MEX3B: variants seen among roughly 807,000 people sequenced by gnomAD.
MEX3B encodes the protein RNA-binding protein MEX3B.
A neutral mutation model predicts 12.2 loss-of-function variants in MEX3B; 10 were observed. The ratio of observed to expected loss-of-function variants is 0.82; its 90% CI spans 0.51 to 1.40. The LOEUF (loss-of-function observed/expected upper bound fraction) is 1.40. Ranked by LOEUF, MEX3B falls within the 40% of genes most tolerant of loss-of-function variation. The probability of loss-of-function intolerance (pLI) is 0.00; values close to 1 mark genes in which losing one functional copy is unlikely to be tolerated. For missense variants in MEX3B, 839 were observed against 801.4 expected (o/e 1.05, Z -0.57); for synonymous variants, 498 against 356.3 (o/e 1.40, Z -4.48).
At chr15:82,045,412 A>ACCACCCCCCCCCCCCCCC in intron 1 of MEX3B, 38 bp downstream of exon 1, 1 of 1,573,608 alleles carries the variant, frequency 6.4e-7, no homozygotes, top group Non-Finnish European at 8.6e-7. Context: ...GAGACCCTAC[A>ACCACCCCCCCCCCCCCCC]CCACCCCCAC....
At position 82,044,909 on chromosome 15, in the gene MEX3B, C is replaced by T. The variant is rs891452386; in HGVS notation, c.257-296G>A. 3.0e-5 allele frequency: 17 copies of T among 575,862 alleles called. No homozygotes were observed. Among genetic ancestry groups the T allele is most frequent in the African/African-American group, 2.8e-4 (15 of 53,352 alleles). The allele number at this position is 575,862 out of a possible 1,614,324, so 35.7% of individuals were successfully genotyped here. ...CCCAGAAAAGTCATCTGGGGAGATGCCGCTGGGATCCAGCTGGGCGCGCCG... is the reference window on the plus strand; with the variant it reads ...CCCAGAAAAGTCATCTGGGGAGATGTCGCTGGGATCCAGCTGGGCGCGCCG... On this transcript the variant is annotated intron_variant, in intron 1 of 1. Coordinates refer to ENST00000329713, the MANE Select transcript of MEX3B (RefSeq NM_032246.6). The surrounding 1 kb of genome is among the most constrained non-coding windows in gnomAD (Gnocchi z 5.3).
chr15:82,043,526 G>T lies in MEX3B; in HGVS notation c.1344C>A (p.Ala448=). 2.0e-6 allele frequency: 3 copies of T among 1,515,262 alleles called. No individual in the cohort carries two copies. Among genetic ancestry groups the T allele is most frequent in the Non-Finnish European group, 2.6e-6 (3 of 1,132,364 alleles). The allele number at this position is 1,515,262 out of a possible 1,614,324, so 93.9% of individuals were successfully genotyped here. The change falls in exon 2 of 2, where the codon GCC becomes GCA. Residue 448 remains alanine (A), a synonymous_variant. Transcript: ENST00000329713. The part of the protein sequence containing the change: ...CPRLSPPLHM[A]PGAGEHHLAR... ...CCAGGTGGTGCTCTCCCGCCCCCGGGGCCATGTGCAAGGGTGGAGACAGGC... is the reference window on the plus strand; with the variant it reads ...CCAGGTGGTGCTCTCCCGCCCCCGGTGCCATGTGCAAGGGTGGAGACAGGC...
In MEX3B at chr15:82,043,139, C is replaced by T. The variant is rs764967897; in HGVS notation, c.*21G>A. 3.8e-5 allele frequency: 58 copies of T among 1,516,188 alleles called. No homozygotes were observed. The highest frequency in any genetic ancestry group is 5.6e-5 in the African/African-American group (4 of 71,656). 93.9% of individuals were successfully genotyped at this position (1,516,188 alleles called of 1,614,324 possible). On this transcript the variant is annotated 3_prime_UTR_variant, in exon 2 of 2. Coordinates refer to ENST00000329713, the MANE Select transcript of MEX3B (RefSeq NM_032246.6). Reference sequence around the variant, plus strand: ...TTCCCCCTTCCCCCAGCACGGTGCGCACTAGCAGCGCCCGCTGCCTTTAAG... The same window carrying T: ...TTCCCCCTTCCCCCAGCACGGTGCGTACTAGCAGCGCCCGCTGCCTTTAAG...
Position 82,044,678 on chromosome 15 carries a change from A to G in MEX3B, c.257-65T>C, listed in dbSNP as rs2073245461. On this transcript the variant is annotated intron_variant, in intron 1 of 1. Transcript: ENST00000329713. This position sits in a 1 kb window ranked among gnomAD's most constrained non-coding sequence, Gnocchi z 5.3. ...ACAGACACGCCCATTATCCTGGGGT[A>G]ACCGCGGGGACCGGGGACAGCCCGC... The G allele has an allele frequency of 6.5e-7, 1 of 1,543,774 alleles. No homozygotes were observed. Among genetic ancestry groups the G allele is most frequent in the Non-Finnish European group, 8.9e-7 (1 of 1,120,788 alleles).
rs748332370 is a variant in MEX3B, at chr15:82,043,907, A to G, written c.963T>C (p.Pro321=). The part of the protein sequence containing the change: ...ATQRLADYSP[P]SPALSFAHNG... ...TGTGCGCAAAGCTCAGGGCGGGGCT[A>G]GGGGGGCTGTAGTCCGCCAGGCGCT... is the stretch of plus-strand genomic sequence containing the variant. The change falls in exon 2 of 2, where the codon CCT becomes CCC. Residue 321 remains proline (P), a synonymous_variant. Coordinates refer to ENST00000329713, the MANE Select transcript of MEX3B (RefSeq NM_032246.6). 13 of 1,597,556 alleles carry G rather than the reference A, an allele frequency of 8.1e-6. No homozygotes were observed. The highest frequency in any genetic ancestry group is 1.7e-5 in the Admixed American group (1 of 58,930).
Position 82,043,837 on chromosome 15 carries a change from C to T in MEX3B, c.1033G>A (p.Gly345Arg). ...GGGGATGGCACTGAGGCTTCTCCCC[C>T]CGCTGTGTAGGTGTACCCATTGCCG... The part of the protein sequence containing the change: ...NNGNGYTYTA[G>R]GEASVPSPDG... Residue 345 changes from glycine to arginine, a missense_variant, in exon 2 of 2, where the codon GGG (glycine) becomes AGG (arginine). Gly to Arg is a moderately radical substitution (Grantham distance 125, BLOSUM62 -2). Around this residue, in one of 3 missense-constraint regions of MEX3B, gnomAD observed 573 missense variants for 488.9 expected, o/e 1.17. Transcript: ENST00000329713. The T allele has an allele frequency of 1.3e-6, 2 of 1,592,192 alleles. No individual in the cohort carries two copies. The highest frequency in any genetic ancestry group is 1.7e-6 in the Non-Finnish European group (2 of 1,169,626).
Position 82,043,202 on chromosome 15 carries a change from G to C in MEX3B, c.1668C>G (p.Val556=), listed in dbSNP as rs1303243129. 1.3e-6 allele frequency: 2 copies of C among 1,563,924 alleles called. No homozygotes were observed. The highest frequency in any genetic ancestry group is 2.3e-5 in the East Asian group (1 of 44,218). ...ICEKSEPECP[V]CHTAVTQAIR... ...TGGCCTGAGTGACCGCGGTGTGGCA[G>C]ACCGGGCACTCGGGCTCGCTCTTCT... The change falls in exon 2 of 2, where the codon GTC becomes GTG. Residue 556 remains valine, a synonymous_variant. Transcript: ENST00000329713.
At position 82,045,756 on chromosome 15, in the gene MEX3B, A is replaced by G. The variant is rs2073254689; in HGVS notation, c.-51T>C. ...CGCCGGCCCTCGGCTCGGCGGCGAGAAGCTGCGGCCACAAAGGCAGCCGGG... is the reference window on the plus strand; with the variant it reads ...CGCCGGCCCTCGGCTCGGCGGCGAGGAGCTGCGGCCACAAAGGCAGCCGGG... On this transcript the variant is annotated 5_prime_UTR_variant, in exon 1 of 2. Coordinates refer to ENST00000329713, the MANE Select transcript of MEX3B (RefSeq NM_032246.6). 4.6e-6 allele frequency: 6 copies of G among 1,313,218 alleles called. No individual in the cohort carries two copies. The highest frequency in any genetic ancestry group is 5.8e-6 in the Non-Finnish European group (6 of 1,039,656). The allele number at this position is 1,313,218 out of a possible 1,614,324, so 81.3% of individuals were successfully genotyped here. A position where few individuals can be genotyped will look rare whatever the true frequency, so the allele number is the denominator to read the frequency against.
In MEX3B at chr15:82,043,800, G is replaced by C; in HGVS notation, c.1070C>G (p.Pro357Arg). Residue 357 changes from proline to arginine, a missense_variant, in exon 2 of 2, where the codon CCC (proline) becomes CGC (arginine). By Grantham distance (103) the Pro-to-Arg change is moderately radical. Transcript: ENST00000329713. ...CGGGTCAAAAGTGGGCTGCAGCTCG[G>C]GGCAGCCGTCGGGGGATGGCACTGA... Reference protein sequence around the residue: ...EASVPSPDGCPELQPTFDPAP... With the variant: ...EASVPSPDGCRELQPTFDPAP... 4.4e-6 allele frequency: 7 copies of C among 1,585,242 alleles called. No individual in the cohort carries two copies. Among genetic ancestry groups the C allele is most frequent in the Non-Finnish European group, 6.0e-6 (7 of 1,166,388 alleles).
chr15:82,044,660 C>A lies in MEX3B; in HGVS notation c.257-47G>T. The A allele has an allele frequency of 1.9e-6, 3 of 1,593,816 alleles. No homozygotes were observed. Among genetic ancestry groups the A allele is most frequent in the Non-Finnish European group, 2.6e-6 (3 of 1,163,054 alleles). On this transcript the variant is annotated intron_variant, in intron 1 of 1. Coordinates refer to ENST00000329713, the MANE Select transcript of MEX3B (RefSeq NM_032246.6). The surrounding 1 kb of genome is among the most constrained non-coding windows in gnomAD (Gnocchi z 5.3). ...AGGGAGTGGGAGAGAGAGACAGACA[C>A]GCCCATTATCCTGGGGTAACCGCGG...
chr15:82,043,684 A>G lies in MEX3B; in HGVS notation c.1186T>C (p.Cys396Arg), dbSNP rs748563778. Residue 396 changes from cysteine (C) to arginine (R), a missense_variant, in exon 2 of 2, where the codon TGC (cysteine) becomes CGC (arginine). Coordinates refer to ENST00000329713, the MANE Select transcript of MEX3B (RefSeq NM_032246.6). ...GCAGACGAAGATGCAGAAGAAGAGC[A>G]GGAAGAAGATACCGGAGCTGCAGGT... The part of the protein sequence containing the change: ...GGPAAPVSSS[C>R]SSSASSSASS... 1 of 1,607,840 alleles carries G rather than the reference A, an allele frequency of 6.2e-7. No homozygotes were observed. Among genetic ancestry groups the G allele is most frequent in the East Asian group, 2.2e-5 (1 of 44,862 alleles).
rs764172424 is a variant in MEX3B at position 82,043,253 on chromosome 15, G to A, written c.1617C>T (p.Cys539=). 4 of 1,609,962 alleles carry A rather than the reference G, an allele frequency of 2.5e-6. No homozygotes were observed. Among genetic ancestry groups the A allele is most frequent in the Non-Finnish European group, 1.7e-6 (2 of 1,177,852 alleles). Residue 539 remains cysteine, a synonymous_variant, in exon 2 of 2, where the codon TGC becomes TGT. Coordinates refer to ENST00000329713, the MANE Select transcript of MEX3B (RefSeq NM_032246.6). ...CACAGATGCGATTGGCGCACTCCAT[G>A]CAGAAGAGGTTGTGGCCACAGGGCA... is the stretch of plus-strand genomic sequence containing the variant. The part of the protein sequence containing the change: ...ALVPCGHNLF[C]MECANRICEK...
Position 82,044,956 on chromosome 15 carries a change from A to G in MEX3B, c.257-343T>C. Reference sequence around the variant, plus strand: ...GCCGTCAGCTCTGAAGACACGGGGAAGGGGCTCGGGGAAGGCAGCTGAAGT... The same window carrying G: ...GCCGTCAGCTCTGAAGACACGGGGAGGGGGCTCGGGGAAGGCAGCTGAAGT... On this transcript the variant is annotated intron_variant, in intron 1 of 1. Coordinates refer to ENST00000329713, the MANE Select transcript of MEX3B (RefSeq NM_032246.6). The surrounding 1 kb of genome is among the most constrained non-coding windows in gnomAD (Gnocchi z 5.3). 1 of 560,946 alleles carries G rather than the reference A, an allele frequency of 1.8e-6. No individual in the cohort carries two copies. The highest frequency in any genetic ancestry group is 2.1e-5 in the South Asian group (1 of 47,764). 34.7% of individuals were successfully genotyped at this position (560,946 alleles called of 1,614,324 possible).
Position 82,045,518 on chromosome 15 carries a change from C to A in MEX3B, c.188G>T (p.Ser63Ile). 1.2e-6 allele frequency: 2 copies of A among 1,612,926 alleles called. No individual in the cohort carries two copies. The highest frequency in any genetic ancestry group is 1.7e-6 in the Non-Finnish European group (2 of 1,179,924). ...SLYDSEPRKK[S>I]VNMTECVPVP... is the part of the protein sequence containing the mutation. The stretch of plus-strand genomic sequence containing the variant: ...TGGCACGCACTCGGTCATGTTCACG[C>A]TCTTCTTGCGCGGCTCGCTGTCGTA... The change falls in exon 1 of 2, where the codon AGC (serine) becomes ATC (isoleucine). Residue 63 changes from serine (S) to isoleucine (I), a missense_variant. Coordinates refer to ENST00000329713, the MANE Select transcript of MEX3B (RefSeq NM_032246.6).
In MEX3B at chr15:82,043,737, G is replaced by A; in HGVS notation, c.1133C>T (p.Ala378Val). The A allele has an allele frequency of 1.3e-6, 2 of 1,573,068 alleles. No individual in the cohort carries two copies. The highest frequency in any genetic ancestry group is 1.7e-6 in the Non-Finnish European group (2 of 1,161,682). Residue 378 changes from alanine (A) to valine (V), a missense_variant, in exon 2 of 2, where the codon GCC becomes GTC. By Grantham distance (64) the Ala-to-Val change is moderately conservative. This residue lies in a region of MEX3B where 573 missense variants were observed against 488.9 expected (regional missense o/e 1.17). Transcript: ENST00000329713. ...GCCTCCCGGGGACCGCTCGAACTGG[G>A]CCCAGATAAGTGGTGCCCCAGGTGG... ...APPPGAPLIW[A>V]QFERSPGGGP...
In MEX3B at chr15:82,045,903, C is replaced by CG; in HGVS notation, c.-199_-198insC. On this transcript the variant is annotated 5_prime_UTR_variant, in exon 1 of 2. Transcript: ENST00000329713. ...CACCGGGCAGTGGCTGCAGGAGCCC[C>CG]CACCTGGGTCCCCACCCCAGACCTG... 2.0e-6 allele frequency: 1 copy of CG among 507,236 alleles called. No homozygotes were observed. Among genetic ancestry groups the CG allele is most frequent in the South Asian group, 7.3e-5 (1 of 13,696 alleles). 31.4% of individuals were successfully genotyped at this position (507,236 alleles called of 1,614,324 possible).
Position 82,045,591 on chromosome 15 carries a change from C to G in MEX3B, c.115G>C (p.Asp39His). 1 of 1,609,940 alleles carries G rather than the reference C, an allele frequency of 6.2e-7. No individual in the cohort carries two copies. Reference protein sequence around the residue: ...DDQRALQLALDQLSLLGLDSD... With the variant: ...DDQRALQLALHQLSLLGLDSD... ...TCCAGCCCCAGCAGGGAGAGCTGGT[C>G]GAGCGCGAGCTGCAGGGCTCTTTGG... Residue 39 changes from aspartate (D) to histidine (H), a missense_variant, in exon 1 of 2, where the codon GAC (aspartate) becomes CAC (histidine). By Grantham distance (81) the Asp-to-His change is moderately conservative. Around this residue, in one of 3 missense-constraint regions of MEX3B, gnomAD observed 214 missense variants for 223.8 expected, o/e 0.96. Transcript: ENST00000329713.
Position 82,044,308 on chromosome 15 carries a change from G to T in MEX3B, c.562C>A (p.Gln188Lys). Residue 188 changes from glutamine to lysine, a missense_variant, in exon 2 of 2, where the codon CAG becomes AAG. Around this residue, in one of 3 missense-constraint regions of MEX3B, gnomAD observed 52 missense variants for 88.7 expected, o/e 0.59. Transcript: ENST00000329713. This position sits in a 1 kb window ranked among gnomAD's most constrained non-coding sequence, Gnocchi z 5.3. ...PKGATIKRIQ[Q>K]QTHTYIVTPS... is the part of the protein sequence containing the mutation. ...GTCACGATGTACGTGTGCGTCTGCT[G>T]CTGGATGCGCTTGATTGTGGCGCCT... 1 of 1,613,306 alleles carries T rather than the reference G, an allele frequency of 6.2e-7. No homozygotes were observed. Among genetic ancestry groups the T allele is most frequent in the Non-Finnish European group, 8.5e-7 (1 of 1,180,028 alleles).
In MEX3B at chr15:82,044,675, G is replaced by A. The variant is rs1444150088; in HGVS notation, c.257-62C>T. On this transcript the variant is annotated intron_variant, in intron 1 of 1. Coordinates refer to ENST00000329713, the MANE Select transcript of MEX3B (RefSeq NM_032246.6). The surrounding 1 kb of genome is among the most constrained non-coding windows in gnomAD (Gnocchi z 5.3). ...GAGACAGACACGCCCATTATCCTGG[G>A]GTAACCGCGGGGACCGGGGACAGCC... 14 of 1,552,436 alleles carry A rather than the reference G, an allele frequency of 9.0e-6. No homozygotes were observed. Among genetic ancestry groups the A allele is most frequent in the Non-Finnish European group, 1.2e-5 (13 of 1,128,220 alleles).
Sources: gnomAD v4.1 joint callset for allele counts on GRCh38, gnomAD v4.1.1 for gene constraint, gnomAD v4.1.1 regional missense constraint, Gnocchi (gnomAD v3.1) non-coding constraint, MANE v1.5 for transcripts, NCBI Gene and HGNC (gene_info 2026-07-23, HGNC 2026-07-21) for gene names.